Variants in GPR89B observed in about 807,000 individuals in gnomAD.
The protein encoded by GPR89B is golgi pH regulator B, also known as G protein-coupled receptor 89B.
A neutral mutation model predicts 52.4 loss-of-function variants in GPR89B; 25 were observed. That is an observed-to-expected ratio of 0.48 (90% CI 0.35 to 0.67). The LOEUF (loss-of-function observed/expected upper bound fraction) is 0.67, where lower values mean the gene tolerates loss of function less well. Ranked by LOEUF, GPR89B falls within the 30% of genes least tolerant of loss-of-function variation. GPR89B has a pLI of 0.01. For missense variants in GPR89B, 146 were observed against 450.2 expected (o/e 0.32, Z 6.11); for synonymous variants, 52 against 151.2 (o/e 0.34, Z 4.81).
chr1:147,959,637 A>T (rs1250307708), intron 7 of GPR89B, among the ~76,000 whole-genome samples: 1 of 152,030 alleles, frequency 6.6e-6, no homozygotes, highest in Non-Finnish European at 1.5e-5. Context: ...TTTGGAAATG[A>T]GGGAAATGCA....
At chr1:147,982,001 A>T (rs1467433145) in intron 10 of GPR89B, among the ~76,000 whole-genome samples, 1 of 151,754 alleles carries the variant, frequency 6.6e-6, no homozygotes, top group African/African-American at 2.4e-5. Flanking sequence ...TCTTATGTGT[A>T]TATCTAGGGG....
intron 3 of GPR89B, among the ~76,000 whole-genome samples, chr1:147,939,867 G>C (rs1413336271): frequency 2.0e-5 from 3 of 151,420 alleles, no homozygotes; most frequent in East Asian, 1.9e-4. Flanking sequence ...GAGTGTGGTA[G>C]TACACGTCTG....
intron 1 of GPR89B, among the ~76,000 whole-genome samples, chr1:147,933,574 C>T (rs1283463649): frequency 6.6e-6 from 1 of 151,844 alleles, no homozygotes; most frequent in Non-Finnish European, 1.5e-5. Flanking sequence ...TCATCATTTT[C>T]CCCATCCTCT....
intron 8 of GPR89B, chr1:147,968,065 A>G (rs1657159384): frequency 2.8e-6 from 1 of 352,506 alleles, no homozygotes; most frequent in Non-Finnish European, 5.6e-6. Context: ...AAGGGGCTAT[A>G]TTTACTATGT....
chr1:147,984,495 G>A (rs1658523452), intron 10 of GPR89B, among the ~76,000 whole-genome samples: 2 of 143,728 alleles, frequency 1.4e-5, no homozygotes, highest in Admixed American at 1.4e-4. Context: ...CCAACTTTTG[G>A]GTTAATTAGT....
chr1:148,005,390 C>T, the GPR89B span: 12 of 1,575,352 alleles, frequency 7.6e-6, no homozygotes, highest in Non-Finnish European at 1.0e-5. Context: ...ACCACTTCCT[C>T]ATGGCTGGCA....
the GPR89B span, chr1:148,010,951 T>G: frequency 6.6e-6 from 1 of 152,612 alleles, no homozygotes; most frequent in African/African-American, 2.4e-5. Context: ...TTCTGTTTGC[T>G]CGGTGTGTCT....
chr1:147,990,321 T>G (rs1167028514), intron 12 of GPR89B, among the ~76,000 whole-genome samples: 2 of 152,254 alleles, frequency 1.3e-5, no homozygotes, highest in Non-Finnish European at 2.9e-5. Context: ...TAAATTTGTT[T>G]GAGTTCTTTG....
chr1:147,956,926 C>T (rs1216418426), intron 7 of GPR89B, among the ~76,000 whole-genome samples: 10 of 151,676 alleles, frequency 6.6e-5, no homozygotes, highest in African/African-American at 1.5e-4. Context: ...TTGGTAGAGA[C>T]GGGGTTTCAC....
the GPR89B span, among the ~76,000 whole-genome samples, chr1:148,024,952 G>A: frequency 6.6e-6 from 1 of 151,918 alleles, no homozygotes; most frequent in Non-Finnish European, 1.5e-5. Context: ...AAATCTTTGA[G>A]TTTTCTTTGA....
rs587728315 is a variant in GPR89B, at chr1:147,931,440, G to A, written c.42+2862G>A. On this transcript the variant is annotated intron_variant, in intron 1 of 13. Transcript: ENST00000314163. ...TCTCATTTTTAATAAGAAGCTATAC[G>A]CCTTCCATTTTATTTGCAAAGCTAT... Among the ~76,000 whole-genome samples the A allele has an allele frequency of 1.6e-4, 25 of 152,120 alleles. No homozygotes were observed. The East Asian group carries it at 4.1e-3, about 25-fold the overall frequency.
At chr1:147,942,072 G>T (rs1553249011) in intron 3 of GPR89B, among the ~76,000 whole-genome samples, 1 of 151,674 alleles carries the variant, frequency 6.6e-6, no homozygotes, top group African/African-American at 2.4e-5. Context: ...TCTGATAATG[G>T]ACTGGGACTC....
intron 10 of GPR89B, among the ~76,000 whole-genome samples, chr1:147,975,839 A>C (rs1657792198): frequency 6.6e-6 from 1 of 152,060 alleles, no homozygotes; most frequent in South Asian, 2.1e-4. Context: ...TGTGTCCCAG[A>C]GATTCTGGTA....
chr1:148,018,531 T>A, the GPR89B span, among the ~76,000 whole-genome samples: 1 of 151,254 alleles, frequency 6.6e-6, no homozygotes, highest in Non-Finnish European at 1.5e-5. Context: ...ACTATGCCCA[T>A]CATCTCCAAC....
At chr1:147,951,209 C>T (rs1655664225) in intron 5 of GPR89B, among the ~76,000 whole-genome samples, 2 of 151,352 alleles carry the variant, frequency 1.3e-5, no homozygotes, top group Admixed American at 6.6e-5. Context: ...GCCTCCATTT[C>T]TTCATCTGTA....
At chr1:147,995,022 A>G (rs1476218532), downstream of GPR89B, among the ~76,000 whole-genome samples, 4 of 152,228 alleles carry the variant, frequency 2.6e-5, no homozygotes, top group Non-Finnish European at 5.9e-5. Flanking sequence ...ATCCAAATAT[A>G]TAGAGAATAA....
chr1:147,957,261 CTG>C (rs2149063493), intron 7 of GPR89B, among the ~76,000 whole-genome samples: 1 of 152,044 alleles, frequency 6.6e-6, no homozygotes, highest in East Asian at 1.9e-4. Context: ...TGAAATCAGA[CTG>C]TGTATGAATT....
chr1:147,937,136 A>G (rs1469861219), intron 2 of GPR89B, among the ~76,000 whole-genome samples: 1 of 151,882 alleles, frequency 6.6e-6, no homozygotes, highest in Non-Finnish European at 1.5e-5. Context: ...GGTCTGAGAA[A>G]TAAAGAGAAA....
chr1:147,986,083 T>G, intron 10 of GPR89B, 116 bp from the exon 11 acceptor site: 1 of 1,591,100 alleles, frequency 6.3e-7, no homozygotes, highest in East Asian at 2.2e-5. Context: ...AATTGCATTT[T>G]TAGGAACATT....
Sources: gnomAD v4.1 joint callset for allele counts (sites outside exome capture counted in the v4.1 genomes callset) on GRCh38, gnomAD v4.1.1 for gene constraint, MANE v1.5 for transcripts, NCBI Gene and HGNC (gene_info 2026-07-23, HGNC 2026-07-21) for gene names.